Variants in PACC1 observed in about 807,000 individuals in gnomAD.
PACC1 encodes the protein proton-activated chloride channel.
Under a neutral mutation model 39.7 loss-of-function variants are expected in PACC1, and 34 were observed. The ratio of observed to expected loss-of-function variants is 0.86; its 90% confidence interval spans 0.65 to 1.14. The LOEUF is 1.14. Ranked by LOEUF, PACC1 falls within the 50% of genes most tolerant of loss-of-function variation. PACC1 has a pLI of 0.00. For synonymous variants in PACC1, 127 were observed against 160.6 expected (o/e 0.79, Z 1.58); for missense variants, 379 against 436.4 (o/e 0.87, Z 1.17).
chr1:212,399,379 G>A (rs562307300), intron 2 of PACC1, among the ~76,000 whole-genome samples: 1 of 152,266 alleles, frequency 6.6e-6, no homozygotes, highest in South Asian at 2.1e-4. Context: ...ACACAACTGT[G>A]AGCATTTTTA....
chr1:212,380,726 T>C (rs1172461731), intron 4 of PACC1, among the ~76,000 whole-genome samples: 3 of 152,164 alleles, frequency 2.0e-5, no homozygotes, highest in Non-Finnish European at 2.9e-5. Context: ...CATTTGTCTG[T>C]CTCTGTCCAG....
At chr1:212,376,348 A>G (rs1660665578) in intron 6 of PACC1, among the ~76,000 whole-genome samples, 1 of 152,212 alleles carries the variant, frequency 6.6e-6, no homozygotes, top group South Asian at 2.1e-4. Context: ...GTTTTGTTCA[A>G]AAGAGCTCAT....
chr1:212,413,081 A>G (rs1294873404), intron 1 of PACC1, among the ~76,000 whole-genome samples: 1 of 152,192 alleles, frequency 6.6e-6, no homozygotes, highest in African/African-American at 2.4e-5. Flanking sequence ...ACTTTCAGAC[A>G]CATCTCATTC....
At chr1:212,369,608 C>T (rs914527200) in intron 7 of PACC1, among the ~76,000 whole-genome samples, 4 of 151,950 alleles carry the variant, frequency 2.6e-5, no homozygotes, top group Non-Finnish European at 5.9e-5. Context: ...TGGCAAAACC[C>T]TGTCTCTACT....
chr1:212,374,681 CAAT>C (rs1287012743), intron 7 of PACC1, among the ~76,000 whole-genome samples: 1 of 152,038 alleles, frequency 6.6e-6, no homozygotes, highest in African/African-American at 2.4e-5. Flanking sequence ...TATTATGTAT[CAAT>C]TTTTTTAAAA....
intron 2 of PACC1, among the ~76,000 whole-genome samples, chr1:212,407,605 C>T (rs990602753): frequency 1.3e-5 from 2 of 152,156 alleles, no homozygotes; most frequent in African/African-American, 4.8e-5. Flanking sequence ...ACATATTGGG[C>T]TTTAATAAAA....
chr1:212,381,002 AGAGT>A (rs765122744), intron 4 of PACC1, among the ~76,000 whole-genome samples: 76 of 152,360 alleles, frequency 5.0e-4, no homozygotes, highest in African/African-American at 1.6e-3. Context: ...GATTTGAAAA[AGAGT>A]GAGTACACTG....
intron 2 of PACC1, among the ~76,000 whole-genome samples, chr1:212,401,144 A>C (rs1163303284): frequency 6.6e-6 from 1 of 152,166 alleles, no homozygotes; most frequent in Non-Finnish European, 1.5e-5. Flanking sequence ...TATTCACAAG[A>C]TGTATAACCA....
At chr1:212,369,651 C>T (rs549206999) in intron 7 of PACC1, among the ~76,000 whole-genome samples, 2 of 152,058 alleles carry the variant, frequency 1.3e-5, no homozygotes, top group Non-Finnish European at 2.9e-5. Context: ...TGTGGTGGCG[C>T]ATGCCTGTAA....
At chr1:212,409,432 A>G (rs1173874086) in intron 2 of PACC1, among the ~76,000 whole-genome samples, 3 of 152,178 alleles carry the variant, frequency 2.0e-5, no homozygotes, top group Non-Finnish European at 4.4e-5. Flanking sequence ...GCAGAGAAAT[A>G]AAACAACAAA....
chr1:212,405,830 C>T (rs925039109), intron 2 of PACC1, among the ~76,000 whole-genome samples: 80 of 152,134 alleles, frequency 5.3e-4, no homozygotes, highest in African/African-American at 1.9e-3. Flanking sequence ...GTGAAGATTA[C>T]AGGATAAAGT....
chr1:212,377,648 A>G lies in PACC1; in HGVS notation c.697T>C (p.Ser233Pro). Residue 233 changes from serine to proline, a missense_variant, in exon 6 of 8, where the codon TCT becomes CCT. Transcript: ENST00000261455. ...TTGACCCAGGTGCGGAAGCCCCCAG[A>G]GAACTTCCAGCTGGAATAGGCACTC... The part of the protein sequence containing the change: ...CESAYSSWKF[S>P]GGFRTWVKMS... 6 of 1,614,196 alleles carry G rather than the reference A, an allele frequency of 3.7e-6. No individual in the cohort carries two copies. The highest frequency in any genetic ancestry group is 5.1e-6 in the Non-Finnish European group (6 of 1,180,000).
chr1:212,385,409 G>C lies in PACC1; in HGVS notation c.360C>G (p.Pro120=). The C allele has an allele frequency of 1.2e-6, 2 of 1,614,066 alleles. No homozygotes were observed. The highest frequency in any genetic ancestry group is 1.7e-6 in the Non-Finnish European group (2 of 1,179,992). Residue 120 remains proline, a synonymous_variant, in exon 4 of 8, where the codon CCC becomes CCG. Transcript: ENST00000261455. ...RYDAPGIALY[P]GQAQLLSCKH... ...TACAGCTGAGCAACTGGGCCTGACCGGGGTACAAGGCAATACCTGGGGGCA... is the reference window on the plus strand; with the variant it reads ...TACAGCTGAGCAACTGGGCCTGACCCGGGTACAAGGCAATACCTGGGGGCA...
At chr1:212,413,364 C>A (rs894928174) in intron 1 of PACC1, among the ~76,000 whole-genome samples, 6 of 152,200 alleles carry the variant, frequency 3.9e-5, no homozygotes. Flanking sequence ...CAAAGCCCTT[C>A]TGTGAATCAG....
chr1:212,381,525 T>TC lies in PACC1; in HGVS notation c.496-1489dup, dbSNP rs759194519. Reference sequence around the variant, plus strand: ...CAACCCAGATTTCAGCAGAATCCACTCCCCCTGCTGGAGCCTCATCTCTGC... The same window carrying TC: ...CAACCCAGATTTCAGCAGAATCCACTCCCCCCTGCTGGAGCCTCATCTCTGC... On this transcript the variant is annotated intron_variant, in intron 4 of 7. Transcript: ENST00000261455. Among the ~76,000 whole-genome samples, 6 of 152,152 alleles carry TC rather than the reference T, an allele frequency of 3.9e-5. No individual in the cohort carries two copies. The South Asian group carries it at 8.3e-4, about 21-fold the overall frequency.
rs1166945902 is a variant in PACC1 at position 212,364,341 on chromosome 1, G to C, written c.*874C>G. On this transcript the variant is annotated 3_prime_UTR_variant, in exon 8 of 8. Coordinates refer to ENST00000261455, the MANE Select transcript of PACC1 (RefSeq NM_018252.3). ...ATGCCTAACAAACCCTTCCCTGGAA[G>C]CAGTTAGAACATACCTTGGGAGTCA... 1.3e-5 allele frequency: 2 copies of C among 152,130 alleles called. No homozygotes were observed. Among genetic ancestry groups the C allele is most frequent in the African/African-American group, 4.8e-5 (2 of 41,424 alleles). 9.4% of individuals were successfully genotyped at this position (152,130 alleles called of 1,614,324 possible).
intron 4 of PACC1, among the ~76,000 whole-genome samples, chr1:212,384,769 A>G (rs1018627033): frequency 6.6e-6 from 1 of 152,200 alleles, no homozygotes; most frequent in Non-Finnish European, 1.5e-5. Flanking sequence ...TGTGCACGAC[A>G]GCATGGCCAG....
intron 2 of PACC1, among the ~76,000 whole-genome samples, chr1:212,400,427 A>G (rs890388370): frequency 4.6e-5 from 7 of 152,356 alleles, no homozygotes; most frequent in Middle Eastern, 3.4e-3. Flanking sequence ...AATTACTTGC[A>G]TGGGAACATT....
At chr1:212,371,082 T>C (rs752044066) in intron 7 of PACC1, among the ~76,000 whole-genome samples, 7 of 151,620 alleles carry the variant, frequency 4.6e-5, no homozygotes, top group Non-Finnish European at 8.8e-5. Context: ...CCATCTCTAC[T>C]AAAAATACAA....
Sources: gnomAD v4.1 joint callset for allele counts (sites outside exome capture counted in the v4.1 genomes callset) on GRCh38, gnomAD v4.1.1 for gene constraint, MANE v1.5 for transcripts, NCBI Gene and HGNC (gene_info 2026-07-23, HGNC 2026-07-21) for gene names.